SPATA13: variants seen among roughly 807,000 people sequenced by gnomAD.
SPATA13 encodes the protein spermatogenesis-associated protein 13.
SPATA13 carries 50 observed loss-of-function variants against 104.0 expected under a neutral mutation model. That is an observed-to-expected ratio of 0.48 (90% confidence interval 0.38 to 0.61). The LOEUF (loss-of-function observed/expected upper bound fraction) is 0.61, where lower values mean the gene tolerates loss of function less well. SPATA13 is among the 20% of genes least tolerant of loss of function. SPATA13 has a pLI of 0.00. For missense variants in SPATA13, 1,524 were observed against 1,690.6 expected, an observed-to-expected ratio of 0.90 and a Z score of 1.73; for synonymous variants, 606 against 667.5, an observed-to-expected ratio of 0.91 and a Z score of 1.42.
intron 3 of SPATA13, among the ~76,000 whole-genome samples, chr13:24,025,813 C>CTTTTTTTTT (rs61153723): frequency 6.8e-6 from 1 of 146,554 alleles, no homozygotes; most frequent in African/African-American, 2.5e-5. Flanking sequence ...TTCTTTCTTT[C>CTTTTTTTTT]TTTTTTTTTT....
chr13:24,007,922 A>G (rs188369972), intron 2 of SPATA13, among the ~76,000 whole-genome samples: 12 of 152,392 alleles, frequency 7.9e-5, no homozygotes, highest in Non-Finnish European at 1.8e-4. Context: ...TGCCACCCCA[A>G]GAAAGGACAG....
chr13:24,005,143 C>T (rs767701227), intron 2 of SPATA13, among the ~76,000 whole-genome samples: 7 of 152,120 alleles, frequency 4.6e-5, no homozygotes, highest in South Asian at 4.1e-4. Flanking sequence ...TTCTCTGAGT[C>T]GCTAGGGGAG....
chr13:24,285,837 C>T (rs575489474), intron 5 of SPATA13, among the ~76,000 whole-genome samples: 10 of 152,232 alleles, frequency 6.6e-5, no homozygotes, highest in Admixed American at 5.2e-4. Context: ...CCCACCACCA[C>T]GCCTGGCTAA....
At chr13:24,057,708 C>A (rs1446676916) in intron 3 of SPATA13, among the ~76,000 whole-genome samples, 3 of 151,748 alleles carry the variant, frequency 2.0e-5, no homozygotes, top group Non-Finnish European at 4.4e-5. Context: ...GGAATTGCCA[C>A]ACCGTATATA....
chr13:24,255,426 A>C (rs1031699849), intron 4 of SPATA13, among the ~76,000 whole-genome samples: 1 of 152,028 alleles, frequency 6.6e-6, no homozygotes, highest in Non-Finnish European at 1.5e-5. Context: ...CCTTTGTGGA[A>C]TCACTCATCT....
intron 3 of SPATA13, among the ~76,000 whole-genome samples, chr13:24,149,146 T>A (rs1462401262): frequency 6.6e-6 from 1 of 152,254 alleles, no homozygotes; most frequent in Non-Finnish European, 1.5e-5. Context: ...GCCCCCTGCC[T>A]GTTGCCATCA....
intron 2 of SPATA13, among the ~76,000 whole-genome samples, chr13:23,996,056 G>T (rs1177179123): frequency 6.6e-6 from 1 of 152,200 alleles, no homozygotes; most frequent in East Asian, 1.9e-4. Context: ...CTAACAGTGT[G>T]TTGGAGTCTC....
intron 12 of SPATA13, among the ~76,000 whole-genome samples, 184 bp from the exon 13 acceptor site, chr13:24,302,414 A>G (rs1877250810): frequency 6.9e-6 from 1 of 144,798 alleles, no homozygotes; most frequent in African/African-American, 2.6e-5. Context: ...GTGATCCAAG[A>G]TCACACCACT....
At chr13:24,267,460 C>G (rs1874349840) in intron 4 of SPATA13, among the ~76,000 whole-genome samples, 1 of 152,184 alleles carries the variant, frequency 6.6e-6, no homozygotes, top group Non-Finnish European at 1.5e-5. Flanking sequence ...AGTGCCCTGA[C>G]CCCGTCTCTG....
intron 3 of SPATA13, among the ~76,000 whole-genome samples, chr13:24,069,379 G>A (rs1350300413): frequency 6.6e-6 from 1 of 152,000 alleles, no homozygotes; most frequent in Non-Finnish European, 1.5e-5. Context: ...TTCTCTTTTT[G>A]CCAATTGTGA....
rs369963303 is a variant in SPATA13, at chr13:24,090,718, A to G, written c.-112+73017A>G. On this transcript the variant is annotated intron_variant, in intron 3 of 14. Coordinates refer to the SPATA13 transcript ENST00000424834. Reference sequence around the variant, plus strand: ...ACTTTCTTCTAATTCTTTAGACATGACCTCCTCCAGTGATTTGAACATATT... The same window carrying G: ...ACTTTCTTCTAATTCTTTAGACATGGCCTCCTCCAGTGATTTGAACATATT... 9.3e-4 allele frequency among the ~76,000 whole-genome samples: 141 copies of G among 152,234 alleles called. 2 individuals are homozygous for G. The South Asian group carries it at 0.023, about 25-fold the overall frequency.
intron 3 of SPATA13, among the ~76,000 whole-genome samples, chr13:24,086,758 C>T (rs1210796239): frequency 2.6e-5 from 4 of 151,986 alleles, no homozygotes; most frequent in South Asian, 2.1e-4. Context: ...CCAGCAGAAG[C>T]GGGTGCAGAG....
Position 24,136,996 on chromosome 13 carries a change from AT to A in SPATA13, c.-111-85816del, listed in dbSNP as rs551377282. ...AGGCGCCCGCCACTACGCCCGGCTA[AT>A]TTTTTTGTATTTTTAGTAGAGACGG... On this transcript the variant is annotated intron_variant, in intron 3 of 14. Transcript: ENST00000424834. Among the ~76,000 whole-genome samples, 12 of 100,544 alleles carry A rather than the reference AT, an allele frequency of 1.2e-4. 4 individuals carry two copies. Among genetic ancestry groups the A allele is most frequent in the South Asian group, 1.2e-3 (3 of 2,578 alleles). The allele number at this position is 100,544 out of a possible 152,430, so 66.0% of individuals were successfully genotyped here. A position where few individuals can be genotyped will look rare whatever the true frequency, so the allele number is the denominator to read the frequency against.
In SPATA13 at chr13:24,076,127, G is replaced by A. The variant is rs149166484; in HGVS notation, c.-112+58426G>A. Among the ~76,000 whole-genome samples, 14 of 152,292 alleles carry A rather than the reference G, an allele frequency of 9.2e-5. No individual in the cohort carries two copies. In the East Asian group the frequency reaches 2.7e-3, roughly 29 times the overall value. ...ACTTTGAAATTCATTAAGGTAATAA[G>A]CACCACTGATGTGCATTCTTGACTG... On this transcript the variant is annotated intron_variant, in intron 3 of 14. Coordinates refer to the SPATA13 transcript ENST00000424834.
chr13:24,123,117 G>T (rs1881093490), intron 3 of SPATA13: 1 of 1,004,814 alleles, frequency 1.0e-6, no homozygotes, highest in Admixed American at 1.7e-5. Flanking sequence ...TTTCTGAATT[G>T]CATGGGTAAG....
intron 3 of SPATA13, among the ~76,000 whole-genome samples, chr13:24,133,977 AGCCCCTG>A (rs1881472899): frequency 2.0e-5 from 3 of 152,174 alleles, no homozygotes; most frequent in Admixed American, 6.6e-5. Flanking sequence ...GGCTGGGTCG[AGCCCCTG>A]GGGGAAGGCT....
intron 1 of SPATA13, among the ~76,000 whole-genome samples, chr13:24,194,050 G>T (rs1869918374): frequency 6.6e-6 from 1 of 152,156 alleles, no homozygotes; most frequent in South Asian, 2.1e-4. Context: ...TCCCAACTTT[G>T]CATCCATGGT....
intron 4 of SPATA13, among the ~76,000 whole-genome samples, chr13:24,263,238 T>C (rs1874143684): frequency 6.6e-6 from 1 of 152,244 alleles, no homozygotes; most frequent in Admixed American, 6.5e-5. Context: ...TTTCTTTCAA[T>C]AAAGAATCAG....
chr13:24,049,864 T>G (rs1878278636), intron 3 of SPATA13, among the ~76,000 whole-genome samples: 1 of 152,140 alleles, frequency 6.6e-6, no homozygotes, highest in South Asian at 2.1e-4. Context: ...TGCAGACATT[T>G]TCAGACTCGT....
Sources: gnomAD v4.1 joint callset for allele counts (sites outside exome capture counted in the v4.1 genomes callset) on GRCh38, gnomAD v4.1.1 for gene constraint, MANE v1.5 for transcripts, NCBI Gene and HGNC (gene_info 2026-07-23, HGNC 2026-07-21) for gene names.